DOT1L: variants seen among roughly 807,000 people sequenced by gnomAD.
DOT1L encodes the protein DOT1 like histone lysine methyltransferase.
DOT1L carries 33 observed loss-of-function variants against 153.3 expected under a neutral mutation model. That is an observed-to-expected ratio of 0.22 (90% confidence interval 0.16 to 0.29). DOT1L has a LOEUF of 0.29. Ranked by LOEUF, DOT1L falls within the 10% of genes least tolerant of loss-of-function variation. DOT1L has a pLI of 1.00. For synonymous variants in DOT1L, 1,135 were observed against 965.1 expected, an observed-to-expected ratio of 1.18 and a Z score of -3.26; for missense variants, 1,847 against 2,119.9, an observed-to-expected ratio of 0.87 and a Z score of 2.53.
At chr19:2,177,949 T>C (rs2022030362) in intron 1 of DOT1L, among the ~76,000 whole-genome samples, 1 of 151,026 alleles carries the variant, frequency 6.6e-6, no homozygotes, top group Non-Finnish European at 1.5e-5. Flanking sequence ...TTGAGATGGA[T>C]TCTCACTCTG....
rs774759308 is a variant in DOT1L at position 2,227,076 on chromosome 19, A to G, written c.4555A>G (p.Asn1519Asp). The G allele has an allele frequency of 6.4e-6, 10 of 1,567,112 alleles. No homozygotes were observed. Among genetic ancestry groups the G allele is most frequent in the Admixed American group, 1.8e-5 (1 of 56,020 alleles). The stretch of plus-strand genomic sequence containing the variant: ...GTCGTCCGCTGCCACCAGACTGACC[A>G]ACTCGCACGCCATGGGCAGCTTTTC... Reference protein sequence around the residue: ...HVSSAATRLTNSHAMGSFSGV... With the variant: ...HVSSAATRLTDSHAMGSFSGV... The change falls in exon 27 of 28, where the codon AAC (asparagine) becomes GAC (aspartate). Residue 1519 changes from asparagine (N) to aspartate (D), a missense_variant. This residue lies in a region of DOT1L where 934 missense variants were observed against 825.3 expected (regional missense o/e 1.13). Coordinates refer to ENST00000398665, the MANE Select transcript of DOT1L (RefSeq NM_032482.3).
Position 2,202,757 on chromosome 19 carries a change from G to A in DOT1L, c.765G>A (p.Glu255=). 1 of 1,614,218 alleles carries A rather than the reference G, an allele frequency of 6.2e-7. No individual in the cohort carries two copies. The highest frequency in any genetic ancestry group is 8.5e-7 in the Non-Finnish European group (1 of 1,180,038). ...FGPEVDHQLK[E]RFANMKEGGR... ...CTGAGGTGGATCACCAGCTGAAGGA[G>A]CGGTTTGCAAACATGAAGGAAGGTA... The change falls in exon 9 of 28, where the codon GAG becomes GAA. Residue 255 remains glutamate, a synonymous_variant. Coordinates refer to ENST00000398665, the MANE Select transcript of DOT1L (RefSeq NM_032482.3).
intron 5 of DOT1L, among the ~76,000 whole-genome samples, chr19:2,192,185 G>A (rs368567325): frequency 3.3e-5 from 5 of 152,156 alleles, no homozygotes; most frequent in African/African-American, 1.2e-4. Flanking sequence ...GGGGCCCCAG[G>A]GGCAGGGACC....
Position 2,209,020 on chromosome 19 carries a change from A to G in DOT1L, c.1005+44A>G, listed in dbSNP as rs370098992. ...TCTCTTGGGTTAATAACACGCATGC[A>G]CTGATGTGGGGAAATGCAAAGCCGT... On this transcript the variant is annotated intron_variant, in intron 12 of 27. Transcript: ENST00000398665. 1.9e-6 allele frequency: 3 copies of G among 1,601,098 alleles called. No individual in the cohort carries two copies. In the African/African-American group the frequency reaches 4.0e-5, roughly 22 times the overall value.
chr19:2,165,661 G>C (rs2019886055), intron 1 of DOT1L, among the ~76,000 whole-genome samples: 2 of 152,216 alleles, frequency 1.3e-5, no homozygotes, highest in African/African-American at 4.8e-5. Flanking sequence ...GGCTCTCATC[G>C]TTTTAGGTGG....
rs760995107 is a variant in DOT1L, at chr19:2,222,382, C to T, written c.3213C>T (p.Ala1071=). 1 of 1,611,394 alleles carries T rather than the reference C, an allele frequency of 6.2e-7. No individual in the cohort carries two copies. Among genetic ancestry groups the T allele is most frequent in the Non-Finnish European group, 8.5e-7 (1 of 1,179,296 alleles). ...AGCACAGCCCCCTGACCGCCAGCGC[C>T]CGTGGGGACTGTGTGCCGAGCCACG... ...SSKHSPLTAS[A]RGDCVPSHGQ... The change falls in exon 24 of 28, where the codon GCC becomes GCT. Residue 1071 remains alanine, a synonymous_variant. Coordinates refer to ENST00000398665, the MANE Select transcript of DOT1L (RefSeq NM_032482.3). This position sits in a 1 kb window ranked among gnomAD's most constrained non-coding sequence, Gnocchi z 6.5.
At chr19:2,188,684 T>G (rs1045195361) in intron 3 of DOT1L, among the ~76,000 whole-genome samples, 9 of 152,156 alleles carry the variant, frequency 5.9e-5, no homozygotes, top group East Asian at 1.9e-4. Flanking sequence ...CAGGTACGCC[T>G]CCTCCTCCTG....
In DOT1L at chr19:2,230,023, A is replaced by G. The variant is rs949232202; in HGVS notation, c.*231A>G. ...TATCATTTTTTAAAAAGTATAAACA[A>G]TTCTGACTTATTTTATTCCATCTAA... is the stretch of plus-strand genomic sequence containing the variant. On this transcript the variant is annotated 3_prime_UTR_variant, in exon 28 of 28. Coordinates refer to ENST00000398665, the MANE Select transcript of DOT1L (RefSeq NM_032482.3). The G allele has an allele frequency of 2.9e-6, 2 of 678,562 alleles. No individual in the cohort carries two copies. The highest frequency in any genetic ancestry group is 4.8e-6 in the Non-Finnish European group (2 of 413,016). 42.0% of individuals were successfully genotyped at this position (678,562 alleles called of 1,614,324 possible).
At position 2,193,869 on chromosome 19, in the gene DOT1L, T is replaced by C; in HGVS notation, c.588+86T>C. 1 of 1,390,462 alleles carries C rather than the reference T, an allele frequency of 7.2e-7. No individual in the cohort carries two copies. The highest frequency in any genetic ancestry group is 2.3e-5 in the East Asian group (1 of 43,076). The allele number at this position is 1,390,462 out of a possible 1,614,324, so 86.1% of individuals were successfully genotyped here. On this transcript the variant is annotated intron_variant, in intron 6 of 27. Transcript: ENST00000398665. The surrounding 1 kb of genome is among the most constrained non-coding windows in gnomAD (Gnocchi z 5.9). ...CCTGGGTGCCTGCACCCCACTGCTG[T>C]GGGACTTCCGAGTCTGGGTGGCGTT...
intron 15 of DOT1L, 36 bp from the exon 16 acceptor site, chr19:2,211,715 G>A (rs760015333): frequency 6.6e-7 from 1 of 1,526,208 alleles, no homozygotes. Flanking sequence ...AGTCTCAGCT[G>A]CTCTCTTCTC....
At chr19:2,168,383 C>T (rs1195243312) in intron 1 of DOT1L, among the ~76,000 whole-genome samples, 1 of 152,188 alleles carries the variant, frequency 6.6e-6, no homozygotes, top group Non-Finnish European at 1.5e-5. Flanking sequence ...ACAAGGTCAG[C>T]TGAGGTCCCC....
In DOT1L at chr19:2,207,705, C is replaced by T. The variant is rs752457041; in HGVS notation, c.963+25C>T. ...AGTGAGTATCTCGCTGCGCCTCAGC[C>T]GCAGGGCCGTCCTGGTCTTCCACCC... On this transcript the variant is annotated intron_variant, in intron 11 of 27. Transcript: ENST00000398665. This position sits in a 1 kb window ranked among gnomAD's most constrained non-coding sequence, Gnocchi z 4.5. The T allele has an allele frequency of 1.1e-5, 18 of 1,591,016 alleles. No individual in the cohort carries two copies. The highest frequency in any genetic ancestry group is 5.4e-5 in the African/African-American group (4 of 74,368).
rs1221693284 is a variant in DOT1L, at chr19:2,193,493, G to A, written c.494-196G>A. ...GACGCGTTGTGATGACCGTCCCCTC[G>A]TGGGGGCTCTGTCAGGGGCCTGGTC... On this transcript the variant is annotated intron_variant, in intron 5 of 27. Coordinates refer to ENST00000398665, the MANE Select transcript of DOT1L (RefSeq NM_032482.3). The surrounding 1 kb of genome is among the most constrained non-coding windows in gnomAD (Gnocchi z 5.9). Among the ~76,000 whole-genome samples the A allele has an allele frequency of 6.6e-6, 1 of 152,164 alleles. No homozygotes were observed. Among genetic ancestry groups the A allele is most frequent in the Non-Finnish European group, 1.5e-5 (1 of 68,016 alleles).
At chr19:2,177,708 C>T (rs916973273) in intron 1 of DOT1L, among the ~76,000 whole-genome samples, 4 of 152,060 alleles carry the variant, frequency 2.6e-5, no homozygotes, top group Admixed American at 2.6e-4. Flanking sequence ...CGCCAACCCT[C>T]GCCAGCCCTG....
intron 23 of DOT1L, chr19:2,221,706 C>T (rs973438826): frequency 2.9e-5 from 14 of 483,856 alleles, no homozygotes; most frequent in African/African-American, 5.8e-5. Context: ...CACCAGGAGG[C>T]TTCTTGGGAG....
intron 1 of DOT1L, among the ~76,000 whole-genome samples, chr19:2,167,819 T>A (rs2019984679): frequency 6.7e-6 from 1 of 149,174 alleles, no homozygotes; most frequent in Non-Finnish European, 1.5e-5. Flanking sequence ...CACTGCAAGC[T>A]CCGCCTCCCA....
At position 2,191,692 on chromosome 19, in the gene DOT1L, A is replaced by T. The variant is rs2022802395; in HGVS notation, c.493+452A>T. Among the ~76,000 whole-genome samples the T allele has an allele frequency of 6.6e-6, 1 of 152,058 alleles. No individual in the cohort carries two copies. Among genetic ancestry groups the T allele is most frequent in the Non-Finnish European group, 1.5e-5 (1 of 67,984 alleles). The stretch of plus-strand genomic sequence containing the variant: ...AAGGTCCCCCGCGGAGGAAGACCCC[A>T]GGTCCCTGGGCTCCCGGAGGCCCTC... On this transcript the variant is annotated intron_variant, in intron 5 of 27. Transcript: ENST00000398665. The surrounding 1 kb of genome is among the most constrained non-coding windows in gnomAD (Gnocchi z 6.8).
chr19:2,190,151 T>C lies in DOT1L; in HGVS notation c.264+356T>C, dbSNP rs557950180. ...CTGTGTGAATGCCGGCCTTCCCCCT[T>C]GGACCTCCCCCACACCGCCTGCCTT... On this transcript the variant is annotated intron_variant, in intron 4 of 27. Transcript: ENST00000398665. The surrounding 1 kb of genome is among the most constrained non-coding windows in gnomAD (Gnocchi z 4.8). Among the ~76,000 whole-genome samples the C allele has an allele frequency of 2.6e-5, 4 of 152,222 alleles. No homozygotes were observed. The South Asian group carries it at 8.3e-4, about 32-fold the overall frequency.
chr19:2,164,537 G>T (rs1299575914), intron 1 of DOT1L: 2 of 285,396 alleles, frequency 7.0e-6, no homozygotes, highest in Non-Finnish European at 1.3e-5. Flanking sequence ...GGGCTGTCCC[G>T]GGCGCGGAAC....
Sources: allele counts gnomAD v4.1 joint callset (sites outside exome capture counted in the v4.1 genomes callset), GRCh38; gene constraint gnomAD v4.1.1; regional missense constraint gnomAD v4.1.1; non-coding constraint Gnocchi (gnomAD v3.1); transcripts MANE v1.5; gene names NCBI Gene and HGNC (gene_info 2026-07-23, HGNC 2026-07-21).